COMMD1: variants seen among roughly 807,000 people sequenced by gnomAD.
The protein encoded by COMMD1 is copper metabolism domain containing 1.
In COMMD1, 10 loss-of-function variants were observed where a neutral mutation model predicts 17.2. The observed-to-expected ratio is 0.58, with a 90% CI of 0.36 to 0.99. The LOEUF (loss-of-function observed/expected upper bound fraction) is 0.99. COMMD1 is among the 50% of genes least tolerant of loss of function. The pLI is 0.01. For synonymous variants in COMMD1, 97 were observed against 91.6 expected (o/e 1.06, Z -0.34); for missense variants, 270 against 231.8 (o/e 1.17, Z -1.07).
rs1008342296 is a variant in COMMD1 at position 62,099,308 on chromosome 2, C to T, written c.463-36523C>T. ...TCTTTTTGATGATTCTAGATGCCAC[C>T]TAAGTACGATTCCCATTCATTTTCT... On this transcript the variant is annotated intron_variant, in intron 2 of 2. Transcript: ENST00000311832. 9.9e-5 allele frequency among the ~76,000 whole-genome samples: 15 copies of T among 152,200 alleles called. 1 individual carries two copies. The highest frequency in any genetic ancestry group is 5.2e-4 in the Admixed American group (8 of 15,296).
At chr2:61,985,582 AT>A (rs1317337320) in intron 1 of COMMD1, among the ~76,000 whole-genome samples, 1 of 151,792 alleles carries the variant, frequency 6.6e-6, no homozygotes, top group Non-Finnish European at 1.5e-5. Context: ...TTTTTAGTGC[AT>A]GTGATTTTAT....
intron 1 of COMMD1, among the ~76,000 whole-genome samples, chr2:61,999,551 A>G (rs1267494241): frequency 6.6e-6 from 1 of 152,146 alleles, no homozygotes. Context: ...AAATTATGTA[A>G]GATTTTATCA....
At chr2:61,935,884 T>G (rs1011876683) in intron 1 of COMMD1, among the ~76,000 whole-genome samples, 2 of 151,998 alleles carry the variant, frequency 1.3e-5, no homozygotes, top group African/African-American at 4.8e-5. Flanking sequence ...TGGAGCTATC[T>G]CAGCTCACTG....
intron 1 of COMMD1, among the ~76,000 whole-genome samples, chr2:61,922,518 G>A (rs1200600740): frequency 1.3e-5 from 2 of 152,162 alleles, no homozygotes; most frequent in Non-Finnish European, 2.9e-5. Context: ...GTTTCACCAT[G>A]TTGGCCAGGC....
intron 2 of COMMD1, among the ~76,000 whole-genome samples, chr2:62,023,523 AC>A (rs2103860270): frequency 6.6e-6 from 1 of 151,822 alleles, no homozygotes; most frequent in East Asian, 1.9e-4. Flanking sequence ...CTCTCTTGTC[AC>A]CCAGGCTGGA....
At chr2:61,954,359 T>G (rs1671138843) in intron 1 of COMMD1, among the ~76,000 whole-genome samples, 1 of 152,194 alleles carries the variant, frequency 6.6e-6, no homozygotes, top group African/African-American at 2.4e-5. Context: ...TATACAAGGC[T>G]GGTTTATGAG....
intron 1 of COMMD1, among the ~76,000 whole-genome samples, chr2:61,907,597 TCTC>T (rs1483498804): frequency 6.6e-6 from 1 of 152,108 alleles, no homozygotes; most frequent in African/African-American, 2.4e-5. Context: ...GGGGGCTACT[TCTC>T]CTCTCTAGGT....
At chr2:62,098,509 T>G (rs1026924186) in intron 2 of COMMD1, among the ~76,000 whole-genome samples, 6 of 152,178 alleles carry the variant, frequency 3.9e-5, no homozygotes, top group Non-Finnish European at 7.3e-5. Flanking sequence ...CCAAGCCACA[T>G]TATTCCTCTT....
intron 2 of COMMD1, among the ~76,000 whole-genome samples, chr2:62,012,022 T>C (rs1274611676): frequency 6.6e-6 from 1 of 151,802 alleles, no homozygotes; most frequent in Non-Finnish European, 1.5e-5. Context: ...CTGAGGTAGG[T>C]GGATCATTTG....
chr2:61,911,135 A>G lies in COMMD1; in HGVS notation c.180+5277A>G, dbSNP rs1416504900. Among the ~76,000 whole-genome samples the G allele has an allele frequency of 2.0e-5, 3 of 150,592 alleles. 1 individual carries two copies. Among genetic ancestry groups the G allele is most frequent in the South Asian group, 4.2e-4 (2 of 4,782 alleles). On this transcript the variant is annotated intron_variant, in intron 1 of 2. Coordinates refer to ENST00000311832, the MANE Select transcript of COMMD1 (RefSeq NM_152516.4). ...TGAAAATTCTCCTTTTGTGTTGTCT[A>G]TTACTAATTCATATACTCTAGTACT...
At chr2:62,100,742 T>C (rs1672155612) in intron 2 of COMMD1, among the ~76,000 whole-genome samples, 1 of 152,100 alleles carries the variant, frequency 6.6e-6, no homozygotes, top group African/African-American at 2.4e-5. Flanking sequence ...TCAGAGACAA[T>C]AGATGAAAAA....
At chr2:61,967,896 C>G (rs1474128162) in intron 1 of COMMD1, among the ~76,000 whole-genome samples, 1 of 152,170 alleles carries the variant, frequency 6.6e-6, no homozygotes, top group Non-Finnish European at 1.5e-5. Flanking sequence ...TGTGGTGGCT[C>G]ATGCCTATAA....
chr2:62,095,046 G>A (rs527445044), intron 2 of COMMD1, among the ~76,000 whole-genome samples: 30 of 152,198 alleles, frequency 2.0e-4, no homozygotes, highest in African/African-American at 7.2e-4. Context: ...CTAGCCTTTC[G>A]GAACTAATTT....
intron 2 of COMMD1, among the ~76,000 whole-genome samples, chr2:62,074,974 C>T (rs1671301646): frequency 6.9e-6 from 1 of 145,142 alleles, no homozygotes; most frequent in Non-Finnish European, 1.5e-5. Context: ...ACTTCAACTA[C>T]TGCCTCCCGG....
chr2:61,899,691 T>C (rs1218994541), intron 1 of COMMD1, among the ~76,000 whole-genome samples: 4 of 152,218 alleles, frequency 2.6e-5, no homozygotes, highest in African/African-American at 9.6e-5. Flanking sequence ...GTTTGTTTTT[T>C]TGAGGCAGAG....
At chr2:62,015,000 C>T (rs1669396996) in intron 2 of COMMD1, among the ~76,000 whole-genome samples, 1 of 152,140 alleles carries the variant, frequency 6.6e-6, no homozygotes, top group Non-Finnish European at 1.5e-5. Flanking sequence ...TCATAGCTTA[C>T]TGTAGCCTCA....
At chr2:62,025,723 C>T (rs897053293) in intron 2 of COMMD1, among the ~76,000 whole-genome samples, 1 of 152,176 alleles carries the variant, frequency 6.6e-6, no homozygotes, top group Non-Finnish European at 1.5e-5. Context: ...GAGTGTCGCT[C>T]TGTCACCCAG....
At chr2:62,005,057 A>G (rs1669072733) in intron 2 of COMMD1, among the ~76,000 whole-genome samples, 1 of 152,228 alleles carries the variant, frequency 6.6e-6, no homozygotes, top group South Asian at 2.1e-4. Context: ...TAAGAATCAC[A>G]TTCAGAGCTT....
At chr2:62,045,857 C>T (rs1670371095) in intron 2 of COMMD1, among the ~76,000 whole-genome samples, 1 of 150,892 alleles carries the variant, frequency 6.6e-6, no homozygotes, top group Admixed American at 6.6e-5. Flanking sequence ...CTGCCTCAGC[C>T]TCCCGAGTAG....
Sources: allele counts gnomAD v4.1 joint callset (sites outside exome capture counted in the v4.1 genomes callset), GRCh38; gene constraint gnomAD v4.1.1; transcripts MANE v1.5; gene names NCBI Gene and HGNC (gene_info 2026-07-23, HGNC 2026-07-21).